ILK: variants seen among roughly 807,000 people sequenced by gnomAD.
ILK encodes integrin linked kinase.
A neutral mutation model predicts 57.8 loss-of-function variants in ILK; 37 were observed. That is an observed-to-expected ratio of 0.64 (90% CI 0.49 to 0.84). The LOEUF (loss-of-function observed/expected upper bound fraction) is 0.84, where lower values mean the gene tolerates loss of function less well. ILK is among the 40% of genes least tolerant of loss of function. ILK has a pLI of 0.00. For missense variants in ILK, 528 were observed against 595.7 expected, an observed-to-expected ratio of 0.89 and a Z score of 1.18; for synonymous variants, 231 against 202.2, an observed-to-expected ratio of 1.14 and a Z score of -1.21.
At position 6,610,227 on chromosome 11, in the gene ILK, G is replaced by A. The variant is rs1234715109; in HGVS notation, c.1158G>A (p.Val386=). ...TTGCAGTGCTTCTGTGGGAACTGGT[G>A]ACACGGGAGGTACCCTTTGCTGACC... is the stretch of plus-strand genomic sequence containing the variant. ...WSFAVLLWEL[V]TREVPFADLS... The change falls in exon 12 of 13, where the codon GTG becomes GTA. Residue 386 remains valine, a synonymous_variant. Transcript: ENST00000299421. 2.5e-6 allele frequency: 4 copies of A among 1,614,236 alleles called. No individual in the cohort carries two copies. The highest frequency in any genetic ancestry group is 2.2e-5 in the East Asian group (1 of 44,886).
In ILK at chr11:6,604,418, G is replaced by A; in HGVS notation, c.89+58G>A. 5 of 1,457,294 alleles carry A rather than the reference G, an allele frequency of 3.4e-6. No individual in the cohort carries two copies. In the South Asian group the frequency reaches 6.0e-5, roughly 18 times the overall value. The allele number at this position is 1,457,294 out of a possible 1,614,324, so 90.3% of individuals were successfully genotyped here. A position where few individuals can be genotyped will look rare whatever the true frequency, so the allele number is the denominator to read the frequency against. ...GCTAGAGATCTCCTGGCTACGTGGAGTGGAGTGCTCATGTCTGGTGGTGGC... is the reference window on the plus strand; with the variant it reads ...GCTAGAGATCTCCTGGCTACGTGGAATGGAGTGCTCATGTCTGGTGGTGGC... On this transcript the variant is annotated intron_variant, in intron 2 of 12. Coordinates refer to ENST00000299421, the MANE Select transcript of ILK (RefSeq NM_004517.4).
Position 6,607,951 on chromosome 11 carries a change from C to G in ILK, c.90-95C>G, listed in dbSNP as rs905946094. ...AGAATCAAAGTCCTAGAGAGGTAAGCCTTCCCAGAGAGTATGTAATTATCA... is the reference window on the plus strand; with the variant it reads ...AGAATCAAAGTCCTAGAGAGGTAAGGCTTCCCAGAGAGTATGTAATTATCA... On this transcript the variant is annotated intron_variant, in intron 2 of 12. Coordinates refer to ENST00000299421, the MANE Select transcript of ILK (RefSeq NM_004517.4). 27 of 1,307,034 alleles carry G rather than the reference C, an allele frequency of 2.1e-5. No homozygotes were observed. In the South Asian group the frequency reaches 3.3e-4, roughly 16 times the overall value. 81.0% of individuals were successfully genotyped at this position (1,307,034 alleles called of 1,614,324 possible).
Position 6,609,374 on chromosome 11 carries a change from A to T in ILK, c.694A>T (p.Ser232Cys), listed in dbSNP as rs775067414. ...LKVRDWSTRK[S>C]RDFNEECPRL... Reference sequence around the variant, plus strand: ...GGTTCGAGACTGGAGTACAAGGAAGAGCAGGGACTTCAATGAAGAGTGTCC... The same window carrying T: ...GGTTCGAGACTGGAGTACAAGGAAGTGCAGGGACTTCAATGAAGAGTGTCC... The change falls in exon 8 of 13, where the codon AGC (serine) becomes TGC (cysteine). Residue 232 changes from serine (S) to cysteine (C), a missense_variant. Coordinates refer to ENST00000299421, the MANE Select transcript of ILK (RefSeq NM_004517.4). 8.1e-6 allele frequency: 13 copies of T among 1,613,976 alleles called. No homozygotes were observed. The South Asian group carries it at 1.1e-4, about 14-fold the overall frequency.
chr11:6,604,130 G>T, intron 1 of ILK, 50 bp from the exon 2 acceptor site: 1 of 755,840 alleles, frequency 1.3e-6, no homozygotes, highest in Non-Finnish European at 2.3e-6. Context: ...CACTAGCCGG[G>T]GACGCAGCTC....
rs1419618735 is a variant in ILK, at chr11:6,604,323, C to T, written c.52C>T (p.Leu18=). Residue 18 remains leucine, a synonymous_variant, in exon 2 of 13, where the codon CTG becomes TTG. Transcript: ENST00000299421. ...GGAGGGCAACGCAGTCGCCGTTCGC[C>T]TGTGGCTGGACAACACGGAGAACGA... ...CREGNAVAVR[L]WLDNTENDLN... 6 of 1,612,756 alleles carry T rather than the reference C, an allele frequency of 3.7e-6. No individual in the cohort carries two copies. Among genetic ancestry groups the T allele is most frequent in the Middle Eastern group, 1.7e-4 (1 of 6,052 alleles).
Position 6,608,499 on chromosome 11 carries a change from C to T in ILK, c.351+10C>T, listed in dbSNP as rs781209717. ...AGATCAAGTGGCAGAGGTGAGTACT[C>T]AGCCCTTAATTCCTGAGATGGGTAG... On this transcript the variant is annotated intron_variant, in intron 4 of 12. Transcript: ENST00000299421. This position sits in a 1 kb window ranked among gnomAD's most constrained non-coding sequence, Gnocchi z 4.9. 4.1e-5 allele frequency: 66 copies of T among 1,606,358 alleles called. No individual in the cohort carries two copies. The highest frequency in any genetic ancestry group is 1.7e-4 in the Middle Eastern group (1 of 6,024).
At position 6,610,620 on chromosome 11, in the gene ILK, G is replaced by T. The variant is rs749954343; in HGVS notation, c.*9G>T. 3.1e-6 allele frequency: 5 copies of T among 1,614,142 alleles called. No individual in the cohort carries two copies. Among genetic ancestry groups the T allele is most frequent in the Non-Finnish European group, 4.2e-6 (5 of 1,179,980 alleles). ...AGATGCAGGACAAGTAGGACTGGAA[G>T]GTCCTTGCCTGAACTCCAGAGGTGT... On this transcript the variant is annotated 3_prime_UTR_variant, in exon 13 of 13. Transcript: ENST00000299421.
At chr11:6,609,046 G>A (rs1395592187) in intron 6 of ILK, 25 bp from the exon 7 acceptor site, 4 of 1,612,528 alleles carry the variant, frequency 2.5e-6, no homozygotes, top group Non-Finnish European at 2.5e-6. Flanking sequence ...GTGAAGCTGG[G>A]TACCTGACCT....
In ILK at chr11:6,608,231, T is replaced by A; in HGVS notation, c.255+20T>A. The A allele has an allele frequency of 6.2e-7, 1 of 1,613,810 alleles. No homozygotes were observed. The highest frequency in any genetic ancestry group is 8.5e-7 in the Non-Finnish European group (1 of 1,179,664). On this transcript the variant is annotated intron_variant, in intron 3 of 12. Transcript: ENST00000299421. This position sits in a 1 kb window ranked among gnomAD's most constrained non-coding sequence, Gnocchi z 4.9. ...CAGAAGGTACGTACAAACTCCTTCG[T>A]CATCCACATCACATACATGCCATGA...
chr11:6,607,955 C>A, intron 2 of ILK, 91 bp from the exon 3 acceptor site: 1 of 1,352,304 alleles, frequency 7.4e-7, no homozygotes, highest in South Asian at 1.2e-5. Flanking sequence ...GGTAAGCCTT[C>A]CCAGAGAGTA....
rs181246131 is a variant in ILK, at chr11:6,604,956, G to C, written c.89+596G>C. On this transcript the variant is annotated intron_variant, in intron 2 of 12. Transcript: ENST00000299421. ...GACTAGAATTAGGGTGAGTGAAAAA[G>C]AGAAGTGATCAAATTCCAGAAGTCT... The C allele has an allele frequency of 4.9e-3, 2,213 of 451,206 alleles. 12 individuals carry two copies. Among genetic ancestry groups the C allele is most frequent in the Non-Finnish European group, 7.2e-3 (1,615 of 225,334 alleles). The allele number at this position is 451,206 out of a possible 1,614,324, so 28.0% of individuals were successfully genotyped here.
rs1855316983 is a variant in ILK, at chr11:6,609,801, G to C, written c.934G>C (p.Glu312Gln). 4 of 1,614,140 alleles carry C rather than the reference G, an allele frequency of 2.5e-6. No homozygotes were observed. The highest frequency in any genetic ancestry group is 1.1e-5 in the South Asian group (1 of 91,084). Residue 312 changes from glutamate (E) to glutamine (Q), a missense_variant, in exon 10 of 13, where the codon GAG (glutamate) becomes CAG (glutamine). Coordinates refer to ENST00000299421, the MANE Select transcript of ILK (RefSeq NM_004517.4). ...GGGCATGGCCTTCCTACACACACTA[G>C]AGCCCCTCATCCCACGACATGCACT... ...ARGMAFLHTL[E>Q]PLIPRHALNS...
In ILK at chr11:6,610,672, C is replaced by G; in HGVS notation, c.*61C>G. On this transcript the variant is annotated 3_prime_UTR_variant, in exon 13 of 13. Transcript: ENST00000299421. ...GGGACATGGTTGGGGGAATGCACCT[C>G]CCCAAAGCAGCAGGCCTCTGGTTGC... 6.2e-7 allele frequency: 1 copy of G among 1,601,812 alleles called. No individual in the cohort carries two copies. Among genetic ancestry groups the G allele is most frequent in the South Asian group, 1.1e-5 (1 of 90,538 alleles).
Position 6,609,569 on chromosome 11 carries a change from T to A in ILK, c.786T>A (p.Ala262=), listed in dbSNP as rs781002849. ...PVLGACQSPP[A]PHPTLITHWM... is the part of the protein sequence containing the mutation. ...TAGGTGCCTGCCAGTCTCCACCTGC[T>A]CCTCATCCTACTCTCATCACACACT... Residue 262 remains alanine (A), a synonymous_variant, in exon 9 of 13, where the codon GCT becomes GCA. Coordinates refer to ENST00000299421, the MANE Select transcript of ILK (RefSeq NM_004517.4). 55 of 1,614,032 alleles carry A rather than the reference T, an allele frequency of 3.4e-5. No individual in the cohort carries two copies. The highest frequency in any genetic ancestry group is 4.7e-5 in the Non-Finnish European group (55 of 1,180,014).
Position 6,610,247 on chromosome 11 carries a change from C to G in ILK, c.1178C>G (p.Ala393Gly), listed in dbSNP as rs966713977. The G allele has an allele frequency of 6.2e-7, 1 of 1,614,118 alleles. No individual in the cohort carries two copies. Among genetic ancestry groups the G allele is most frequent in the African/African-American group, 1.3e-5 (1 of 74,944 alleles). Reference sequence around the variant, plus strand: ...CTGGTGACACGGGAGGTACCCTTTGCTGACCTCTCCAATATGGAGATTGGA... The same window carrying G: ...CTGGTGACACGGGAGGTACCCTTTGGTGACCTCTCCAATATGGAGATTGGA... ...WELVTREVPF[A>G]DLSNMEIGMK... is the part of the protein sequence containing the mutation. Residue 393 changes from alanine (A) to glycine (G), a missense_variant, in exon 12 of 13, where the codon GCT (alanine) becomes GGT (glycine). By Grantham distance (60) the Ala-to-Gly change is moderately conservative. Coordinates refer to ENST00000299421, the MANE Select transcript of ILK (RefSeq NM_004517.4).
chr11:6,603,944 C>T, intron 1 of ILK, 122 bp downstream of exon 1: 2 of 501,916 alleles, frequency 4.0e-6, no homozygotes, highest in Non-Finnish European at 7.3e-6. Flanking sequence ...GGAGCCTGAA[C>T]CTCCCCACTT....
rs1855128617 is a variant in ILK at position 6,608,202 on chromosome 11, T to A, written c.246T>A (p.Ile82=). The change falls in exon 3 of 13, where the codon ATT becomes ATA. Residue 82 remains isoleucine (I), a synonymous_variant. Transcript: ENST00000299421. This position sits in a 1 kb window ranked among gnomAD's most constrained non-coding sequence, Gnocchi z 4.9. ...HLAASHGHRD[I]VQKLLQYKAD... Reference sequence around the variant, plus strand: ...CAGCCAGTCATGGACACCGTGATATTGTACAGAAGGTACGTACAAACTCCT... The same window carrying A: ...CAGCCAGTCATGGACACCGTGATATAGTACAGAAGGTACGTACAAACTCCT... 1 of 1,614,088 alleles carries A rather than the reference T, an allele frequency of 6.2e-7. No homozygotes were observed. Among genetic ancestry groups the A allele is most frequent in the African/African-American group, 1.3e-5 (1 of 74,920 alleles).
Position 6,608,680 on chromosome 11 carries a change from C to T in ILK, c.352-14C>T. On this transcript the variant is annotated splice_polypyrimidine_tract_variant and intron_variant, in intron 4 of 12. Transcript: ENST00000299421. This position sits in a 1 kb window ranked among gnomAD's most constrained non-coding sequence, Gnocchi z 4.9. ...GTAGCAGTGGCTCTCATCATAATGG[C>T]CTTTTCATTCCAGGACCTGGTGGCA... is the stretch of plus-strand genomic sequence containing the variant. 6.2e-7 allele frequency: 1 copy of T among 1,606,222 alleles called. No individual in the cohort carries two copies. Among genetic ancestry groups the T allele is most frequent in the Non-Finnish European group, 8.5e-7 (1 of 1,172,694 alleles).
In ILK at chr11:6,609,306, A is replaced by C; in HGVS notation, c.626A>C (p.Lys209Thr). 1 of 1,614,074 alleles carries C rather than the reference A, an allele frequency of 6.2e-7. No individual in the cohort carries two copies. The highest frequency in any genetic ancestry group is 1.7e-5 in the Admixed American group (1 of 60,026). The stretch of plus-strand genomic sequence containing the variant: ...CCCCTACCTGTCCTGCAGCTATGGA[A>C]GGGCCGCTGGCAGGGCAATGACATT... ...LNENHSGELWKGRWQGNDIVV... is the reference protein window; with the variant it reads ...LNENHSGELWTGRWQGNDIVV... Residue 209 changes from lysine (K) to threonine (T), a missense_variant, in exon 8 of 13, where the codon AAG becomes ACG. Transcript: ENST00000299421.
Sources: allele counts gnomAD v4.1 joint callset, GRCh38; gene constraint gnomAD v4.1.1; non-coding constraint Gnocchi (gnomAD v3.1); transcripts MANE v1.5; gene names NCBI Gene and HGNC (gene_info 2026-07-23, HGNC 2026-07-21).